MICALL2: variants seen among roughly 807,000 people sequenced by gnomAD.
MICALL2 encodes the protein MICAL like 2.
A neutral mutation model predicts 91.1 loss-of-function variants in MICALL2; 111 were observed. The observed-to-expected ratio is 1.22, with a 90% CI of 1.04 to 1.43. The LOEUF (loss-of-function observed/expected upper bound fraction) is 1.43. MICALL2 is among the 40% of genes most tolerant of loss of function. The pLI, the probability that MICALL2 is intolerant of heterozygous loss-of-function variation, is 0.00. For synonymous variants in MICALL2, 694 were observed against 525.3 expected, an observed-to-expected ratio of 1.32 and a Z score of -4.39; for missense variants, 1,556 against 1,236.0, an observed-to-expected ratio of 1.26 and a Z score of -3.88.
chr7:1,436,179 CAGG>C, intron 15 of MICALL2, among the ~76,000 whole-genome samples: 1 of 151,932 alleles, frequency 6.6e-6, no homozygotes, highest in Admixed American at 6.6e-5. Context: ...CACCTGAGGT[CAGG>C]AGTTCAAGAC....
chr7:1,440,154 C>G, intron 8 of MICALL2, 69 bp from the exon 9 acceptor site: 1 of 1,545,420 alleles, frequency 6.5e-7, no homozygotes, highest in Non-Finnish European at 8.6e-7. Flanking sequence ...GGAGGGGCTC[C>G]CAGGCCATAT....
intron 1 of MICALL2, among the ~76,000 whole-genome samples, chr7:1,454,625 CAG>C (rs1486654291): frequency 6.6e-6 from 1 of 152,234 alleles, no homozygotes; most frequent in Non-Finnish European, 1.5e-5. Flanking sequence ...GAGGCGGCCA[CAG>C]AGGTCTGGCT....
intron 5 of MICALL2, among the ~76,000 whole-genome samples, chr7:1,446,147 G>A (rs1780566028): frequency 8.8e-6 from 1 of 113,724 alleles, no homozygotes; most frequent in Non-Finnish European, 1.8e-5. Flanking sequence ...GCGGGGGGTG[G>A]GGAAGAGGGT....
At chr7:1,438,808 C>A in intron 10 of MICALL2, 32 bp downstream of exon 10, 1 of 1,576,688 alleles carries the variant, frequency 6.3e-7, no homozygotes, top group Non-Finnish European at 8.6e-7. Flanking sequence ...TTCACGTACA[C>A]CCCAAACAGC....
At chr7:1,436,983 C>G in intron 14 of MICALL2, 127 bp from the exon 15 acceptor site, 3 of 629,564 alleles carry the variant, frequency 4.8e-6, no homozygotes. Flanking sequence ...TTGGGGGGAT[C>G]CGGAGCAGAA....
intron 6 of MICALL2, 127 bp downstream of exon 6, chr7:1,444,525 G>A: frequency 3.3e-6 from 3 of 917,788 alleles, no homozygotes; most frequent in Non-Finnish European, 4.8e-6. Context: ...AACAGGCTGG[G>A]GGAAGTGCAG....
intron 1 of MICALL2, among the ~76,000 whole-genome samples, chr7:1,456,324 A>T (rs370367519): frequency 2.0e-5 from 3 of 152,120 alleles, no homozygotes; most frequent in Admixed American, 6.5e-5. Flanking sequence ...GCTCGCGCCC[A>T]TAACCCCAGA....
intron 9 of MICALL2, chr7:1,439,549 CAT>C (rs1409447929): frequency 9.1e-6 from 2 of 219,474 alleles, no homozygotes; most frequent in African/African-American, 2.3e-5. Flanking sequence ...ACGCATCACA[CAT>C]GTACACATGC....
intron 8 of MICALL2, chr7:1,440,363 G>A (rs1013106264): frequency 1.6e-5 from 10 of 625,438 alleles, no homozygotes; most frequent in Admixed American, 5.6e-5. Flanking sequence ...GGCATGGTGC[G>A]TGAACCCACA....
Position 1,442,474 on chromosome 7 carries a change from CTGGGGA to C in MICALL2, c.1423_1428del (p.Ser475_Pro476del), listed in dbSNP as rs775322996. The C allele has an allele frequency of 3.3e-6, 5 of 1,530,490 alleles. No individual in the cohort carries two copies. The highest frequency in any genetic ancestry group is 1.8e-6 in the Non-Finnish European group (2 of 1,138,212). The allele number at this position is 1,530,490 out of a possible 1,614,324, so 94.8% of individuals were successfully genotyped here. A position where few individuals can be genotyped will look rare whatever the true frequency, so the allele number is the denominator to read the frequency against. ...TGAGAACTGGGAACAGCGGCAGTGGCTGGGGAGGGCCTATAAGTAAAAGCGCAGGCA... is the reference window on the plus strand; with the variant it reads ...TGAGAACTGGGAACAGCGGCAGTGGCGGGCCTATAAGTAAAAGCGCAGGCA... On this transcript the variant is annotated inframe_deletion, in exon 7 of 17. Coordinates refer to ENST00000297508, the MANE Select transcript of MICALL2 (RefSeq NM_182924.4).
chr7:1,456,674 G>A (rs1019160813), intron 1 of MICALL2, among the ~76,000 whole-genome samples: 4 of 152,138 alleles, frequency 2.6e-5, no homozygotes, highest in African/African-American at 9.7e-5. Context: ...GGGAGGTTGA[G>A]GTGGGAGGAT....
chr7:1,439,511 T>A, intron 9 of MICALL2: 1 of 193,404 alleles, frequency 5.2e-6, no homozygotes, highest in Non-Finnish European at 1.0e-5. Context: ...CACACATGCA[T>A]CACATACACG....
At chr7:1,447,233 G>A (rs887335324) in intron 4 of MICALL2, among the ~76,000 whole-genome samples, 2 of 152,178 alleles carry the variant, frequency 1.3e-5, no homozygotes. Context: ...CTGAGAAGTG[G>A]GGGTGCCTGG....
intron 2 of MICALL2, among the ~76,000 whole-genome samples, chr7:1,449,590 G>A (rs535771561): frequency 3.3e-4 from 51 of 152,272 alleles, no homozygotes; most frequent in Non-Finnish European, 6.8e-4. Flanking sequence ...GGGCAGTGCC[G>A]GCCGGGCAGG....
In MICALL2 at chr7:1,435,130, T is replaced by C. The variant is rs1562442694; in HGVS notation, c.2609A>G (p.Gln870Arg). Residue 870 changes from glutamine to arginine, a missense_variant, in exon 16 of 17, where the codon CAG becomes CGG. Coordinates refer to ENST00000297508, the MANE Select transcript of MICALL2 (RefSeq NM_182924.4). ...CTTCTCAATCATGTCCCGCAGCATC[T>C]GATCCTCCTCTTGTTCCCTGAAACG... ...EDRLREQEEDQMLRDMIEKLG... is the reference protein window; with the variant it reads ...EDRLREQEEDRMLRDMIEKLG... 2 of 1,613,528 alleles carry C rather than the reference T, an allele frequency of 1.2e-6. No homozygotes were observed. The highest frequency in any genetic ancestry group is 2.2e-5 in the South Asian group (2 of 91,076).
rs549092327 is a variant in MICALL2 at position 1,438,374 on chromosome 7, G to A, written c.2123-21C>T. ...TCTCCCTGGAGAAGGAGCAGGGTGA[G>A]CCTCTGGGACCTGGGCCACCAGGCC... On this transcript the variant is annotated intron_variant, in intron 10 of 16. Transcript: ENST00000297508. The A allele has an allele frequency of 6.2e-5, 98 of 1,590,918 alleles. No homozygotes were observed. In the Middle Eastern group the frequency reaches 6.6e-4, roughly 11 times the overall value.
intron 7 of MICALL2, chr7:1,441,264 A>T (rs1274885977): frequency 6.3e-6 from 1 of 159,900 alleles, no homozygotes; most frequent in Non-Finnish European, 1.4e-5. Context: ...AGGTTGGGAG[A>T]CAGAGCCGTG....
intron 15 of MICALL2, 83 bp downstream of exon 15, chr7:1,436,658 CG>C: frequency 9.9e-7 from 1 of 1,005,672 alleles, no homozygotes; most frequent in Non-Finnish European, 1.4e-6. Flanking sequence ...GAAAGTTCTA[CG>C]GGGCTGGCTG....
Position 1,442,262 on chromosome 7 carries a change from C to G in MICALL2, c.1641G>C (p.Arg547Ser). 6.2e-7 allele frequency: 1 copy of G among 1,612,908 alleles called. No homozygotes were observed. The change falls in exon 7 of 17, where the codon AGG becomes AGC. Residue 547 changes from arginine (R) to serine (S), a missense_variant. Coordinates refer to ENST00000297508, the MANE Select transcript of MICALL2 (RefSeq NM_182924.4). ...RNLAESSGVG[R>S]VGAGSRPKPE... The stretch of plus-strand genomic sequence containing the variant: ...GCTTCGGCCTGGAGCCAGCACCCAC[C>G]CTGCCGACCCCTGAGGATTCCGCCA...
Sources: gnomAD v4.1 joint callset for allele counts (sites outside exome capture counted in the v4.1 genomes callset) on GRCh38, gnomAD v4.1.1 for gene constraint, MANE v1.5 for transcripts, NCBI Gene and HGNC (gene_info 2026-07-23, HGNC 2026-07-21) for gene names.